The following MYRFL variants were observed in gnomAD, a reference collection of about 807,000 sequenced individuals.
The protein encoded by MYRFL is myelin regulatory factor like, also known as myelin regulatory factor-like protein.
MYRFL carries 88 observed loss-of-function variants against 109.4 expected under a neutral mutation model. The ratio of observed to expected loss-of-function variants is 0.80; its 90% CI spans 0.68 to 0.96. The LOEUF is 0.96. MYRFL is among the 40% of genes least tolerant of loss of function. MYRFL has a pLI of 0.00. For missense variants in MYRFL, 957 were observed against 954.9 expected (o/e 1.00, Z -0.03); for synonymous variants, 324 against 320.9 (o/e 1.01, Z -0.10).
chr12:69,840,438 C>T (rs1883180275), intron 1 of MYRFL, among the ~76,000 whole-genome samples: 1 of 151,922 alleles, frequency 6.6e-6, no homozygotes, highest in Non-Finnish European at 1.5e-5. Context: ...CATTTTTGAC[C>T]TCTCCTCTCT....
intron 19 of MYRFL, among the ~76,000 whole-genome samples, chr12:69,944,575 C>A (rs1955772773): frequency 1.3e-5 from 2 of 150,470 alleles, no homozygotes; most frequent in Admixed American, 1.3e-4. Context: ...GGGAGATATA[C>A]CTAAGGCTAG....
chr12:69,828,816 T>G (rs963516789), intron 1 of MYRFL, among the ~76,000 whole-genome samples: 4 of 152,172 alleles, frequency 2.6e-5, no homozygotes, highest in Admixed American at 6.5e-5. Context: ...TGTACTATCT[T>G]GATATCAGAG....
chr12:69,844,079 T>C (rs1326469125), intron 1 of MYRFL, among the ~76,000 whole-genome samples: 1 of 152,272 alleles, frequency 6.6e-6, no homozygotes, highest in Non-Finnish European at 1.5e-5. Flanking sequence ...AGTTGTTCTC[T>C]GTGTGTAAAA....
At chr12:69,868,365 G>A (rs1215824921) in intron 2 of MYRFL, among the ~76,000 whole-genome samples, 2 of 151,776 alleles carry the variant, frequency 1.3e-5, no homozygotes, top group African/African-American at 2.4e-5. Context: ...CACCCGCCTC[G>A]GCCTCCCAAA....
At chr12:69,937,654 T>C (rs992388994) in intron 19 of MYRFL, among the ~76,000 whole-genome samples, 2 of 152,156 alleles carry the variant, frequency 1.3e-5, no homozygotes, top group African/African-American at 4.8e-5. Context: ...TCACGTCACA[T>C]TGGTCATGTC....
chr12:69,840,906 G>A (rs1883208146), intron 1 of MYRFL, among the ~76,000 whole-genome samples: 1 of 152,212 alleles, frequency 6.6e-6, no homozygotes, highest in Non-Finnish European at 1.5e-5. Context: ...ATTTACTCAA[G>A]TTGAATAAAG....
intron 14 of MYRFL, 86 bp from the exon 15 acceptor site, chr12:69,927,599 T>C: frequency 1.1e-6 from 1 of 950,260 alleles, no homozygotes; most frequent in Non-Finnish European, 1.6e-6. Context: ...AAAGTCATAT[T>C]GCTATGTTAG....
intron 1 of MYRFL, among the ~76,000 whole-genome samples, chr12:69,853,001 C>T (rs530023395): frequency 4.6e-5 from 7 of 152,322 alleles, no homozygotes; most frequent in South Asian, 2.1e-4. Context: ...ACACAGACAC[C>T]GTAACATCTG....
At chr12:69,872,418 G>T (rs1885406442) in intron 2 of MYRFL, among the ~76,000 whole-genome samples, 1 of 151,992 alleles carries the variant, frequency 6.6e-6, no homozygotes, top group Admixed American at 6.6e-5. Flanking sequence ...CAAATTTCTG[G>T]GCTCAAGTGA....
intron 1 of MYRFL, among the ~76,000 whole-genome samples, chr12:69,833,819 T>C (rs747797211): frequency 3.2e-4 from 43 of 133,812 alleles, no homozygotes; most frequent in Non-Finnish European, 5.7e-4. Context: ...AAGCAGAAGA[T>C]AGGGCTTGCT....
chr12:69,847,536 A>G (rs1338378952), intron 1 of MYRFL, among the ~76,000 whole-genome samples: 1 of 152,214 alleles, frequency 6.6e-6, no homozygotes, highest in East Asian at 1.9e-4. Flanking sequence ...GATAATCACC[A>G]TTAACATTTT....
intron 6 of MYRFL, among the ~76,000 whole-genome samples, chr12:69,890,331 C>G (rs562058193): frequency 3.9e-5 from 6 of 152,276 alleles, no homozygotes; most frequent in African/African-American, 1.4e-4. Context: ...GTTGACTTCT[C>G]AACATCTAGC....
intron 20 of MYRFL, 104 bp downstream of exon 20, chr12:69,952,279 AGCCT>A: frequency 9.9e-7 from 1 of 1,006,134 alleles, no homozygotes; most frequent in Non-Finnish European, 1.5e-6. Flanking sequence ...CAAAGGCTGC[AGCCT>A]GCCTGCCACG....
At chr12:69,940,362 A>T (rs1444374658) in intron 19 of MYRFL, among the ~76,000 whole-genome samples, 2 of 151,226 alleles carry the variant, frequency 1.3e-5, no homozygotes, top group African/African-American at 4.9e-5. Flanking sequence ...TCTCGGCAGA[A>T]ACACTACAAG....
At chr12:69,885,627 A>G (rs556276600) in intron 5 of MYRFL, among the ~76,000 whole-genome samples, 2 of 152,302 alleles carry the variant, frequency 1.3e-5, no homozygotes, top group African/African-American at 4.8e-5. Flanking sequence ...AACCATACCA[A>G]TACCATTTTA....
chr12:69,908,342 A>G (rs917773818), intron 11 of MYRFL, among the ~76,000 whole-genome samples: 11 of 152,334 alleles, frequency 7.2e-5, no homozygotes, highest in Admixed American at 6.5e-4. Flanking sequence ...ATGAAGGAGA[A>G]CTGGTGCTAT....
chr12:69,928,643 A>G (rs984036734), intron 15 of MYRFL, among the ~76,000 whole-genome samples: 1 of 152,198 alleles, frequency 6.6e-6, no homozygotes, highest in Non-Finnish European at 1.5e-5. Flanking sequence ...AAACACAAAT[A>G]CCCAGGTAAA....
intron 21 of MYRFL, 81 bp from the exon 22 acceptor site, chr12:69,955,282 G>T: frequency 1.9e-6 from 1 of 522,810 alleles, no homozygotes; most frequent in South Asian, 3.1e-5. Flanking sequence ...AGTTTTTATG[G>T]TATATAATGA....
At chr12:69,882,986 C>T (rs1400064766) in intron 5 of MYRFL, among the ~76,000 whole-genome samples, 1 of 152,220 alleles carries the variant, frequency 6.6e-6, no homozygotes, top group Non-Finnish European at 1.5e-5. Flanking sequence ...CTTTACCCAT[C>T]TCTAAGACTT....
Sources: gnomAD v4.1 joint callset for allele counts (sites outside exome capture counted in the v4.1 genomes callset) on GRCh38, gnomAD v4.1.1 for gene constraint, MANE v1.5 for transcripts, NCBI Gene and HGNC (gene_info 2026-07-23, HGNC 2026-07-21) for gene names.